Variants in UBR1 observed in about 807,000 individuals in gnomAD.
UBR1 encodes the protein ubiquitin protein ligase E3 component n-recognin 1.
A neutral mutation model predicts 242.1 loss-of-function variants in UBR1; 102 were observed. That is an observed-to-expected ratio of 0.42 (90% CI 0.36 to 0.50). The LOEUF is 0.50. UBR1 is among the 20% of genes least tolerant of loss of function. UBR1 has a pLI of 0.01. For synonymous variants in UBR1, 675 were observed against 684.8 expected, an observed-to-expected ratio of 0.99 and a Z score of 0.22; for missense variants, 1,772 against 2,101.8, an observed-to-expected ratio of 0.84 and a Z score of 3.07.
rs374285305 is a variant in UBR1, at chr15:42,969,814, C to G, written c.4457+706G>C. Among the ~76,000 whole-genome samples, 47 of 152,226 alleles carry G rather than the reference C, an allele frequency of 3.1e-4. 1 individual carries two copies. The South Asian group carries it at 7.3e-3, about 24-fold the overall frequency. Reference sequence around the variant, plus strand: ...ATGTGAAGGACTTCTTCAAGGAGAACTACAAACCACTGCTCAAGGAAATAA... The same window carrying G: ...ATGTGAAGGACTTCTTCAAGGAGAAGTACAAACCACTGCTCAAGGAAATAA... On this transcript the variant is annotated intron_variant, in intron 40 of 46. Coordinates refer to ENST00000290650, the MANE Select transcript of UBR1 (RefSeq NM_174916.3).
At chr15:43,055,301 C>T (rs894882737) in intron 11 of UBR1, among the ~76,000 whole-genome samples, 19 of 151,982 alleles carry the variant, frequency 1.3e-4, no homozygotes, top group African/African-American at 4.6e-4. Context: ...AAAAATTAGC[C>T]AGGTGTGGTG....
At chr15:42,966,055 A>C (rs1218329791) in intron 41 of UBR1, 98 bp downstream of exon 41, 1 of 1,551,906 alleles carries the variant, frequency 6.4e-7, no homozygotes, top group East Asian at 2.3e-5. Context: ...GGAGAGGAGA[A>C]GTGGTTTTAT....
chr15:42,967,593 G>A (rs1467777346), intron 40 of UBR1, among the ~76,000 whole-genome samples: 6 of 151,972 alleles, frequency 3.9e-5, no homozygotes, highest in South Asian at 2.1e-4. Context: ...ACTGTAAAGC[G>A]AATCTTATGT....
At chr15:42,971,301 T>C (rs2032203838) in intron 39 of UBR1, among the ~76,000 whole-genome samples, 1 of 152,172 alleles carries the variant, frequency 6.6e-6, no homozygotes, top group South Asian at 2.1e-4. Flanking sequence ...AAGGGTCCCA[T>C]AAAGAGAACT....
chr15:43,028,496 C>T (rs2033206133), intron 21 of UBR1, among the ~76,000 whole-genome samples: 1 of 152,034 alleles, frequency 6.6e-6, no homozygotes, highest in African/African-American at 2.4e-5. Flanking sequence ...CCTGTAATCC[C>T]AGCACTTTGG....
Position 42,965,926 on chromosome 15 carries a change from T to A in UBR1, c.4591+227A>T, listed in dbSNP as rs959265759. On this transcript the variant is annotated intron_variant, in intron 41 of 46. Coordinates refer to ENST00000290650, the MANE Select transcript of UBR1 (RefSeq NM_174916.3). ...ATTTTATAAGCTCAAGCACATAACC[T>A]ATACATAGATAGGAGCGAAGAGTAG... is the stretch of plus-strand genomic sequence containing the variant. Among the ~76,000 whole-genome samples the A allele has an allele frequency of 3.3e-5, 5 of 152,364 alleles. No homozygotes were observed. In the South Asian group the frequency reaches 1.0e-3, roughly 32 times the overall value.
At chr15:43,021,459 T>C in intron 26 of UBR1, 84 bp from the exon 27 acceptor site, 1 of 1,278,418 alleles carries the variant, frequency 7.8e-7, no homozygotes, top group South Asian at 1.2e-5. Flanking sequence ...AGGACCCCTG[T>C]GGACATCAAA....
Position 43,074,354 on chromosome 15 carries a change from C to A in UBR1, c.528+625G>T, listed in dbSNP as rs2033860501. Among the ~76,000 whole-genome samples, 3 of 152,154 alleles carry A rather than the reference C, an allele frequency of 2.0e-5. 1 individual carries two copies. In the South Asian group the frequency reaches 6.2e-4, roughly 32 times the overall value. ...CAATTACTGAATTTATATATCAGCT[C>A]TACACTTCTAATTCACTATATGCTA... On this transcript the variant is annotated intron_variant, in intron 4 of 46. Transcript: ENST00000290650.
intron 37 of UBR1, among the ~76,000 whole-genome samples, chr15:42,981,540 A>C (rs1191496746): frequency 2.0e-5 from 3 of 151,792 alleles, no homozygotes; most frequent in Admixed American, 2.0e-4. Flanking sequence ...CCCATGTTGG[A>C]GTGCAGTGTG....
intron 1 of UBR1, among the ~76,000 whole-genome samples, chr15:43,087,838 T>C (rs2034057156): frequency 6.6e-6 from 1 of 151,940 alleles, no homozygotes; most frequent in African/African-American, 2.4e-5. Flanking sequence ...TGGGACATTA[T>C]AAAAAAGGAG....
chr15:42,997,064 G>C (rs1028794135), intron 33 of UBR1, among the ~76,000 whole-genome samples: 1 of 152,198 alleles, frequency 6.6e-6, no homozygotes, highest in African/African-American at 2.4e-5. Context: ...GTGAGCAGCA[G>C]GTGAGCAAAG....
At chr15:43,074,905 A>G (rs778640508) in intron 4 of UBR1, 74 bp downstream of exon 4, 1 of 1,226,922 alleles carries the variant, frequency 8.2e-7, no homozygotes, top group Non-Finnish European at 1.2e-6. Flanking sequence ...GAATCTATAC[A>G]CATAACATTT....
At chr15:43,005,998 A>C (rs1232642201) in intron 30 of UBR1, among the ~76,000 whole-genome samples, 1 of 149,030 alleles carries the variant, frequency 6.7e-6, no homozygotes, top group Non-Finnish European at 1.5e-5. Flanking sequence ...ACCCTTGTTC[A>C]CATGTTTATC....
intron 33 of UBR1, among the ~76,000 whole-genome samples, chr15:42,997,868 A>C (rs1180179558): frequency 1.3e-5 from 2 of 152,210 alleles, no homozygotes; most frequent in East Asian, 3.8e-4. Context: ...CAGTAAGTGG[A>C]TCTTAGTGAT....
At chr15:42,983,589 C>T (rs940239609) in intron 37 of UBR1, among the ~76,000 whole-genome samples, 1 of 151,212 alleles carries the variant, frequency 6.6e-6, no homozygotes, top group Non-Finnish European at 1.5e-5. Flanking sequence ...CACTTGAACA[C>T]GTGAGGTGGA....
Position 43,077,474 on chromosome 15 carries a change from A to G in UBR1, c.418-2385T>C, listed in dbSNP as rs1041419838. Among the ~76,000 whole-genome samples the G allele has an allele frequency of 2.2e-3, 332 of 151,188 alleles. 1 individual carries two copies. Among genetic ancestry groups the G allele is most frequent in the Non-Finnish European group, 3.7e-3 (252 of 67,720 alleles). ...AGCATGCTCGTTAAGAGTCATCACC[A>G]CTCCCTAATCTTAAGTACCCAGGGA... On this transcript the variant is annotated intron_variant, in intron 3 of 46. Transcript: ENST00000290650.
intron 6 of UBR1, among the ~76,000 whole-genome samples, chr15:43,066,292 T>C (rs1269085792): frequency 6.6e-6 from 1 of 152,234 alleles, no homozygotes; most frequent in African/African-American, 2.4e-5. Context: ...TGTGGTCTTA[T>C]TTCTGAGTTC....
At chr15:43,033,228 T>A (rs927878111) in intron 19 of UBR1, among the ~76,000 whole-genome samples, 12 of 152,070 alleles carry the variant, frequency 7.9e-5, no homozygotes, top group Admixed American at 7.9e-4. Flanking sequence ...AAATTTTATA[T>A]GAGGCCAGGT....
At chr15:42,961,845 C>A (rs978668928) in intron 42 of UBR1, among the ~76,000 whole-genome samples, 1 of 151,940 alleles carries the variant, frequency 6.6e-6, no homozygotes, top group Non-Finnish European at 1.5e-5. Context: ...ACCTTCGCCT[C>A]CAGAGTTCAA....
Sources: gnomAD v4.1 joint callset for allele counts (sites outside exome capture counted in the v4.1 genomes callset) on GRCh38, gnomAD v4.1.1 for gene constraint, MANE v1.5 for transcripts, NCBI Gene and HGNC (gene_info 2026-07-23, HGNC 2026-07-21) for gene names.